Variants in NCLN observed in about 807,000 individuals in gnomAD.
The protein encoded by NCLN is BOS complex subunit NCLN.
A neutral mutation model predicts 69.5 loss-of-function variants in NCLN; 34 were observed. The ratio of observed to expected loss-of-function variants is 0.49; its 90% CI spans 0.37 to 0.65. The LOEUF is 0.65. Ranked by LOEUF, NCLN falls within the 30% of genes least tolerant of loss-of-function variation. NCLN has a pLI of 0.00. For missense variants in NCLN, 710 were observed against 804.8 expected, an observed-to-expected ratio of 0.88 and a Z score of 1.42; for synonymous variants, 393 against 358.3, an observed-to-expected ratio of 1.10 and a Z score of -1.09.
intron 6 of NCLN, 41 bp downstream of exon 6, chr19:3,201,667 C>A: frequency 7.3e-7 from 1 of 1,370,932 alleles, no homozygotes; most frequent in Non-Finnish European, 1.0e-6. Context: ...GTGCGGGGGC[C>A]ACACTGCCGG....
At chr19:3,194,020 A>G (rs930081311) in intron 3 of NCLN, among the ~76,000 whole-genome samples, 16 of 152,186 alleles carry the variant, frequency 1.1e-4, no homozygotes, top group Non-Finnish European at 4.4e-5. Context: ...GTCATCAGCT[A>G]CTGGGGGAGC....
rs1304944952 is a variant in NCLN at position 3,201,950 on chromosome 19, G to A, written c.800+324G>A. ...CTGTGTGGTCGGGGCCGGATTTTTC[G>A]CTGGGGGTGGGGGCCGTCCTGGGCA... On this transcript the variant is annotated intron_variant, in intron 6 of 14. Coordinates refer to ENST00000246117, the MANE Select transcript of NCLN (RefSeq NM_020170.4). 5.3e-5 allele frequency among the ~76,000 whole-genome samples: 8 copies of A among 152,204 alleles called. No homozygotes were observed. The East Asian group carries it at 9.7e-4, about 18-fold the overall frequency.
chr19:3,191,386 G>T (rs965005195), intron 1 of NCLN, among the ~76,000 whole-genome samples: 2 of 152,174 alleles, frequency 1.3e-5, no homozygotes, highest in African/African-American at 4.8e-5. Flanking sequence ...GGCTCTCAGC[G>T]ACGGCCGTGG....
In NCLN at chr19:3,189,251, G is replaced by A. The variant is rs80323944; in HGVS notation, c.184+3037G>A. 3.3e-3 allele frequency among the ~76,000 whole-genome samples: 503 copies of A among 152,322 alleles called. 2 individuals are homozygous for A. The highest frequency in any genetic ancestry group is 0.012 in the African/African-American group (492 of 41,580). ...GGCTCGTTGAGCTTATGGCCCATGT[G>A]AGGTGGGAACCTTAGCACCCCTTGG... is the stretch of plus-strand genomic sequence containing the variant. On this transcript the variant is annotated intron_variant, in intron 1 of 14. Transcript: ENST00000246117.
intron 2 of NCLN, 72 bp from the exon 3 acceptor site, chr19:3,193,212 G>A: frequency 1.4e-6 from 2 of 1,440,838 alleles, no homozygotes; most frequent in Non-Finnish European, 1.9e-6. Context: ...ACCAGGGACA[G>A]TCACTGGGCC....
chr19:3,198,509 A>C (rs1259600372), intron 4 of NCLN, among the ~76,000 whole-genome samples: 2 of 150,006 alleles, frequency 1.3e-5, no homozygotes, highest in Non-Finnish European at 3.0e-5. Flanking sequence ...TCCGTCTCAA[A>C]AAAAAAAAAA....
intron 4 of NCLN, 42 bp downstream of exon 4, chr19:3,196,319 GGTTCCT>G: frequency 7.0e-7 from 1 of 1,421,844 alleles, no homozygotes; most frequent in Non-Finnish European, 9.6e-7. Context: ...CGTCCCCAGG[GGTTCCT>G]GCCATCCGCC....
Position 3,191,477 on chromosome 19 carries a change from T to G in NCLN, c.185-993T>G, listed in dbSNP as rs559127752. ...CCTTCTGCCACCCCAGCCCCTGGAT[T>G]TCTAGAAAGCTTACGTGTCCAAGGC... is the stretch of plus-strand genomic sequence containing the variant. On this transcript the variant is annotated intron_variant, in intron 1 of 14. Transcript: ENST00000246117. Among the ~76,000 whole-genome samples, 4 of 152,270 alleles carry G rather than the reference T, an allele frequency of 2.6e-5. No individual in the cohort carries two copies. In the South Asian group the frequency reaches 8.3e-4, roughly 32 times the overall value.
intron 5 of NCLN, among the ~76,000 whole-genome samples, chr19:3,200,444 G>C (rs889574233): frequency 2.0e-5 from 3 of 151,258 alleles, no homozygotes; most frequent in African/African-American, 4.9e-5. Context: ...CGGAGTAGCT[G>C]GGACTACAGG....
intron 5 of NCLN, among the ~76,000 whole-genome samples, chr19:3,201,149 G>A (rs1916115951): frequency 6.6e-6 from 1 of 152,234 alleles, no homozygotes. Flanking sequence ...CAGAGACCAG[G>A]GCTGGACAGA....
At chr19:3,191,468 C>A (rs1049385215) in intron 1 of NCLN, among the ~76,000 whole-genome samples, 1 of 152,204 alleles carries the variant, frequency 6.6e-6, no homozygotes, top group Non-Finnish European at 1.5e-5. Flanking sequence ...GCCACCCCAG[C>A]CCCTGGATTT....
chr19:3,203,975 C>G, intron 7 of NCLN, 30 bp from the exon 8 acceptor site: 1 of 1,544,466 alleles, frequency 6.5e-7, no homozygotes, highest in Admixed American at 2.0e-5. Flanking sequence ...CTGGTCCCCA[C>G]CCACCCCGCC....
rs1277303424 is a variant in NCLN at position 3,205,172 on chromosome 19, T to C, written c.1208+421T>C. ...TGGGCACTGTGTCTCTGGCTTCTTATGTCCTCTGACCCTGTGTCCTGCCCG... is the reference window on the plus strand; with the variant it reads ...TGGGCACTGTGTCTCTGGCTTCTTACGTCCTCTGACCCTGTGTCCTGCCCG... On this transcript the variant is annotated intron_variant, in intron 9 of 14. Coordinates refer to ENST00000246117, the MANE Select transcript of NCLN (RefSeq NM_020170.4). This position sits in a 1 kb window ranked among gnomAD's most constrained non-coding sequence, Gnocchi z 4.6. 1.3e-5 allele frequency among the ~76,000 whole-genome samples: 2 copies of C among 152,206 alleles called. No individual in the cohort carries two copies. The highest frequency in any genetic ancestry group is 2.1e-4 in the South Asian group (1 of 4,832).
intron 1 of NCLN, among the ~76,000 whole-genome samples, chr19:3,188,085 T>C (rs562267181): frequency 6.6e-6 from 1 of 151,604 alleles, no homozygotes; most frequent in African/African-American, 2.4e-5. Flanking sequence ...TTCCGTGGGG[T>C]TTCCAGGGCA....
chr19:3,202,764 T>A (rs562591172), intron 6 of NCLN, among the ~76,000 whole-genome samples: 1 of 146,864 alleles, frequency 6.8e-6, no homozygotes, highest in Non-Finnish European at 1.5e-5. Flanking sequence ...TTTTTTTTTT[T>A]AAGCTGCAGA....
At position 3,208,997 on chromosome 19, in the gene NCLN, G is replaced by GTGGGGAAGGGACTTGAGC. The variant is rs1348756538; in HGVS notation, c.*1314_*1331dup. The GTGGGGAAGGGACTTGAGC allele has an allele frequency of 4.6e-5, 7 of 152,206 alleles. No individual in the cohort carries two copies. Among genetic ancestry groups the GTGGGGAAGGGACTTGAGC allele is most frequent in the African/African-American group, 1.7e-4 (7 of 41,440 alleles). The allele number at this position is 152,206 out of a possible 1,614,324, so 9.4% of individuals were successfully genotyped here. On this transcript the variant is annotated 3_prime_UTR_variant, in exon 15 of 15. Transcript: ENST00000246117. ...ACCCAGTGCGTGCCGAGCAGGCTTG[G>GTGGGGAAGGGACTTGAGC]TGGGGAAGGGACTTGAGCTGGGCAA... is the stretch of plus-strand genomic sequence containing the variant.
At chr19:3,202,072 G>A (rs919923448) in intron 6 of NCLN, among the ~76,000 whole-genome samples, 7 of 152,116 alleles carry the variant, frequency 4.6e-5, no homozygotes, top group African/African-American at 1.7e-4. Context: ...ATCACCCACT[G>A]TCCGCTGGGG....
intron 6 of NCLN, among the ~76,000 whole-genome samples, chr19:3,202,623 C>T (rs991133949): frequency 5.9e-5 from 9 of 152,196 alleles, no homozygotes; most frequent in South Asian, 2.1e-4. Flanking sequence ...AGTCACAAGG[C>T]GCCGGGAGTC....
chr19:3,206,100 C>T (rs1402140194), intron 10 of NCLN, 52 bp from the exon 11 acceptor site: 6 of 1,561,784 alleles, frequency 3.8e-6, no homozygotes, highest in Non-Finnish European at 5.2e-6. Context: ...CCCCTGGCCC[C>T]AGCCCCACTG....
Sources: allele counts gnomAD v4.1 joint callset (sites outside exome capture counted in the v4.1 genomes callset), GRCh38; gene constraint gnomAD v4.1.1; non-coding constraint Gnocchi (gnomAD v3.1); transcripts MANE v1.5; gene names NCBI Gene and HGNC (gene_info 2026-07-23, HGNC 2026-07-21).